The following EOLA2 variants were observed in gnomAD, a reference collection of about 807,000 sequenced individuals.
The protein encoded by EOLA2 is protein EOLA2.
Under a neutral mutation model 4.1 loss-of-function variants are expected in EOLA2, and 3 were observed. The observed-to-expected ratio is 0.73, with a 90% CI of 0.33 to 1.89. The LOEUF is 1.89. Among genes scored for constraint, EOLA2 ranks in the 40% most tolerant of loss-of-function variants. The probability of loss-of-function intolerance (pLI) is 0.08; values close to 1 mark genes in which losing one functional copy is unlikely to be tolerated. For missense variants in EOLA2, 109 were observed against 126.4 expected (o/e 0.86, Z 0.66); for synonymous variants, 52 against 51.7 (o/e 1.01, Z -0.03).
chrX:149,934,471 C>G, intron 2 of EOLA2: 1 of 746,001 alleles, frequency 1.3e-6, no homozygotes, highest in Non-Finnish European at 1.6e-6. Flanking sequence ...AGATGGCCCT[C>G]AGTCAGACAT....
intron 2 of EOLA2, among the ~76,000 whole-genome samples, chrX:149,935,541 A>C (rs1603035786): frequency 1.0e-4 from 2 of 19,590 alleles, no homozygotes; most frequent in Non-Finnish European, 1.7e-4. Context: ...CACCCACTCC[A>C]CTGACTGACC....
intron 4 of EOLA2, 33 bp downstream of exon 4, chrX:149,933,589 C>G (rs782208761): frequency 8.4e-7 from 1 of 1,185,521 alleles, no homozygotes; most frequent in Non-Finnish European, 1.1e-6. Context: ...CAGCCCTAGG[C>G]GTTGTCTGCG....
At position 149,938,179 on chromosome X, in the gene EOLA2, A is replaced by AG; in HGVS notation, c.-211+13dup. ...GGCCGAGCACACGGGCTCCGGCATCAGGGGCCCTGGTACCTTTCAGCCGCG... is the reference window on the plus strand; with the variant it reads ...GGCCGAGCACACGGGCTCCGGCATCAGGGGGCCCTGGTACCTTTCAGCCGCG... On this transcript the variant is annotated intron_variant, in intron 1 of 4. Transcript: ENST00000370406. 8.8e-6 allele frequency: 1 copy of AG among 113,396 alleles called. No homozygotes were observed. Among genetic ancestry groups the AG allele is most frequent in the Admixed American group, 9.2e-5 (1 of 10,880 alleles). 9.3% of individuals were successfully genotyped at this position (113,396 alleles called of 1,213,427 possible).
At chrX:149,929,881 T>TGGGA, downstream of EOLA2, 2 of 959,917 alleles carry the variant, frequency 2.1e-6, no homozygotes, top group Non-Finnish European at 1.3e-6. Flanking sequence ...ACAACCTTTT[T>TGGGA]AGGCTCTCCT....
chrX:149,938,464 G>T lies in EOLA2; in HGVS notation c.-482C>A, dbSNP rs782609894. ...CTTCGGCTTTCATGCAGCTCCCGTC[G>T]TCCCTTTCATGAGGAACGTACGTGT... On this transcript the variant is annotated 5_prime_UTR_variant, in exon 1 of 5. Coordinates refer to ENST00000370406, the MANE Select transcript of EOLA2 (RefSeq NM_001013845.2). 1 of 112,755 alleles carries T rather than the reference G, an allele frequency of 8.9e-6. No homozygotes were observed. Among genetic ancestry groups the T allele is most frequent in the South Asian group, 3.6e-4 (1 of 2,778 alleles). The allele number at this position is 112,755 out of a possible 1,213,427, so 9.3% of individuals were successfully genotyped here.
chrX:149,937,688 G>C lies in EOLA2; in HGVS notation c.-210-208C>G, dbSNP rs782085349. The stretch of plus-strand genomic sequence containing the variant: ...CCCTCCACATCTGTCTGGGTCACAG[G>C]GTGCACCAGTCCGCAGAGCAGAAAA... On this transcript the variant is annotated intron_variant, in intron 1 of 4. Coordinates refer to ENST00000370406, the MANE Select transcript of EOLA2 (RefSeq NM_001013845.2). Among the ~76,000 whole-genome samples the C allele has an allele frequency of 1.4e-3, 154 of 112,361 alleles. 1 individual carries two copies. Among genetic ancestry groups the C allele is most frequent in the African/African-American group, 4.6e-3 (143 of 30,878 alleles).
downstream of EOLA2, chrX:149,931,033 C>G: frequency 3.2e-6 from 3 of 937,898 alleles, no homozygotes; most frequent in Non-Finnish European, 4.0e-6. Context: ...TGTACAATAT[C>G]TGTTACTACG....
chrX:149,935,940 G>A (rs2090986250), intron 2 of EOLA2, among the ~76,000 whole-genome samples: 1 of 106,272 alleles, frequency 9.4e-6, no homozygotes, highest in East Asian at 3.1e-4. Flanking sequence ...AATCTCTATG[G>A]CCACAATCCC....
intron 1 of EOLA2, among the ~76,000 whole-genome samples, chrX:149,937,942 G>A (rs782705047): frequency 5.3e-5 from 6 of 112,871 alleles, no homozygotes; most frequent in Non-Finnish European, 9.4e-5. Flanking sequence ...GGGCCAAGCG[G>A]GAGGCAGGGA....
Position 149,933,736 on chromosome X carries a change from C to A in EOLA2, c.139G>T (p.Asp47Tyr). Residue 47 changes from aspartate to tyrosine, a missense_variant, in exon 4 of 5, where the codon GAC becomes TAC. Coordinates refer to ENST00000370406, the MANE Select transcript of EOLA2 (RefSeq NM_001013845.2). Reference sequence around the variant, plus strand: ...TCCCGACAGGCATCGCCTTCCCAGTCCCTGTGAGCAATGTGGACGGCGATG... The same window carrying A: ...TCCCGACAGGCATCGCCTTCCCAGTACCTGTGAGCAATGTGGACGGCGATG... ...CTIAVHIAHR[D>Y]WEGDACRELL... 3 of 1,208,579 alleles carry A rather than the reference C, an allele frequency of 2.5e-6. No homozygotes were observed. Among genetic ancestry groups the A allele is most frequent in the Non-Finnish European group, 3.4e-6 (3 of 895,120 alleles).
At chrX:149,936,967 C>G (rs1204373918) in intron 2 of EOLA2, among the ~76,000 whole-genome samples, 14 of 110,964 alleles carry the variant, frequency 1.3e-4, no homozygotes, top group Non-Finnish European at 2.4e-4. Flanking sequence ...CTAGAAATGA[C>G]ATTACTTCTA....
At chrX:149,937,681 G>C (rs1329381660) in intron 1 of EOLA2, among the ~76,000 whole-genome samples, 1 of 112,486 alleles carries the variant, frequency 8.9e-6, no homozygotes, top group East Asian at 2.8e-4. Context: ...ATCTGTCTGG[G>C]TCACAGGGTG....
At chrX:149,934,187 G>A (rs2090938550) in intron 2 of EOLA2, 50 bp from the exon 3 acceptor site, 19 of 944,639 alleles carry the variant, frequency 2.0e-5, no homozygotes, top group Non-Finnish European at 2.5e-5. Flanking sequence ...TATGACAGAG[G>A]TCACCGAGCC....
chrX:149,934,859 G>T (rs1205771746), intron 2 of EOLA2, among the ~76,000 whole-genome samples: 1 of 112,509 alleles, frequency 8.9e-6, no homozygotes, highest in Admixed American at 9.4e-5. Flanking sequence ...TGCCTTGGAA[G>T]GAACCCTGGG....
At chrX:149,937,611 A>G (rs192954046) in intron 1 of EOLA2, 131 bp from the exon 2 acceptor site, 247 of 115,881 alleles carry the variant, frequency 2.1e-3, no homozygotes, top group Non-Finnish European at 3.7e-3. Context: ...TCCTAAGAGT[A>G]ACACATGTGC....
rs4906987 is a variant in EOLA2 at position 149,935,849 on chromosome X, C to A, written c.-163+1584G>T. Among the ~76,000 whole-genome samples the A allele has an allele frequency of 0.01, 1,092 of 108,485 alleles. 40 individuals are homozygous for A. In the East Asian group the frequency reaches 0.11, roughly 11 times the overall value. 94.2% of individuals were successfully genotyped at this position (108,485 alleles called of 115,157 possible). On this transcript the variant is annotated intron_variant, in intron 2 of 4. Transcript: ENST00000370406. ...TGCCCCAGACCTAGCTGCTCTCTGC[C>A]CTGCCTTTCTTTCCCACATCTGCGG...
chrX:149,935,460 A>C (rs1318707673), intron 2 of EOLA2, among the ~76,000 whole-genome samples: 7 of 38,791 alleles, frequency 1.8e-4, no homozygotes, highest in African/African-American at 7.9e-4. Flanking sequence ...CTACATGCGC[A>C]GTCTCTACTT....
At chrX:149,934,208 A>C in intron 2 of EOLA2, 71 bp from the exon 3 acceptor site, 1 of 846,741 alleles carries the variant, frequency 1.2e-6, no homozygotes, top group Admixed American at 5.3e-5. Flanking sequence ...CTAGGGCAAC[A>C]CAGAGGACAG....
chrX:149,935,745 A>G lies in EOLA2; in HGVS notation c.-162-1608T>C, dbSNP rs782044302. ...CAGCCTTAGGTGGACAGGCCCATAC[A>G]TACTCAGGACCCCAACCATCACCAC... On this transcript the variant is annotated intron_variant, in intron 2 of 4. Coordinates refer to ENST00000370406, the MANE Select transcript of EOLA2 (RefSeq NM_001013845.2). Among the ~76,000 whole-genome samples the G allele has an allele frequency of 3.0e-3, 308 of 103,812 alleles. 3 individuals carry two copies. The highest frequency in any genetic ancestry group is 0.011 in the African/African-American group (297 of 27,918). 90.1% of individuals were successfully genotyped at this position (103,812 alleles called of 115,157 possible). A position where few individuals can be genotyped will look rare whatever the true frequency, so the allele number is the denominator to read the frequency against.
Sources: allele counts gnomAD v4.1 joint callset (sites outside exome capture counted in the v4.1 genomes callset), GRCh38; gene constraint gnomAD v4.1.1; transcripts MANE v1.5; gene names NCBI Gene and HGNC (gene_info 2026-07-23, HGNC 2026-07-21).